Variants in PPIP5K1 observed in about 807,000 individuals in gnomAD.
The protein encoded by PPIP5K1 is inositol hexakisphosphate and diphosphoinositol-pentakisphosphate kinase 1.
In PPIP5K1, 6 loss-of-function variants were observed where a neutral mutation model predicts 27.7. That is an observed-to-expected ratio of 0.22 (90% confidence interval 0.12 to 0.43). PPIP5K1 has a LOEUF of 0.43. Ranked by LOEUF, PPIP5K1 falls within the 20% of genes least tolerant of loss-of-function variation. PPIP5K1 has a pLI of 1.00. For synonymous variants in PPIP5K1, 145 were observed against 242.6 expected, an observed-to-expected ratio of 0.60 and a Z score of 3.74; for missense variants, 394 against 635.4, an observed-to-expected ratio of 0.62 and a Z score of 4.08.
At chr15:43,536,435 A>G (rs1011558045) in intron 31 of PPIP5K1, among the ~76,000 whole-genome samples, 6 of 151,958 alleles carry the variant, frequency 3.9e-5, no homozygotes, top group Non-Finnish European at 5.9e-5. Context: ...AAAAAAAAAA[A>G]GAAAATAGTT....
rs1396308810 is a variant in PPIP5K1, at chr15:43,549,613, A to C, written c.3556+9182T>G. 8.5e-5 allele frequency among the ~76,000 whole-genome samples: 13 copies of C among 152,254 alleles called. No homozygotes were observed. The Middle Eastern group carries it at 0.01, about 120-fold the overall frequency. On this transcript the variant is annotated intron_variant, in intron 30 of 31. Coordinates refer to ENST00000420765, the MANE Select transcript of PPIP5K1 (RefSeq NM_001394395.1). ...GGTTTCAGTGAGCTGAGATCATGCC[A>C]GTGCACTCCAGCCTGGGCAACAGAG...
intron 31 of PPIP5K1, among the ~76,000 whole-genome samples, chr15:43,538,985 C>T (rs748238732): frequency 2.6e-5 from 4 of 152,014 alleles, no homozygotes; most frequent in African/African-American, 7.2e-5. Context: ...CTGAGGCAGG[C>T]GGGTCACCTG....
chr15:43,538,587 C>T (rs570582244), intron 31 of PPIP5K1, among the ~76,000 whole-genome samples: 2 of 151,882 alleles, frequency 1.3e-5, no homozygotes, highest in African/African-American at 2.4e-5. Context: ...AGTGCATTGG[C>T]GCCATCTCAG....
chr15:43,536,113 A>G, intron 31 of PPIP5K1: 1 of 1,286,788 alleles, frequency 7.8e-7, no homozygotes, highest in South Asian at 1.2e-5. Flanking sequence ...AAATCAGAAC[A>G]ATAGGAAAGA....
intron 30 of PPIP5K1, among the ~76,000 whole-genome samples, chr15:43,550,457 T>G (rs929425714): frequency 2.6e-5 from 4 of 152,228 alleles, no homozygotes; most frequent in Non-Finnish European, 4.4e-5. Flanking sequence ...GAGTTCATCC[T>G]GTAACCTGCA....
intron 30 of PPIP5K1, among the ~76,000 whole-genome samples, chr15:43,541,022 G>A (rs139788232): frequency 6.0e-4 from 92 of 152,194 alleles, no homozygotes; most frequent in African/African-American, 2.1e-3. Context: ...TCCCCCAAAT[G>A]TCTTTTATAA....
At chr15:43,556,649 T>C (rs2082994795) in intron 30 of PPIP5K1, among the ~76,000 whole-genome samples, 2 of 152,312 alleles carry the variant, frequency 1.3e-5, no homozygotes, top group South Asian at 4.1e-4. Context: ...CTGAATAAGT[T>C]AGAGTTAGGC....
intron 30 of PPIP5K1, among the ~76,000 whole-genome samples, chr15:43,545,655 C>CT (rs1404985400): frequency 1.3e-5 from 2 of 151,528 alleles, no homozygotes; most frequent in African/African-American, 2.4e-5. Context: ...ATTTGTCAAT[C>CT]TTTTTTTTGC....
chr15:43,556,156 A>T (rs2082908121), intron 30 of PPIP5K1, among the ~76,000 whole-genome samples: 2 of 146,168 alleles, frequency 1.4e-5, no homozygotes, highest in Non-Finnish European at 3.1e-5. Flanking sequence ...TGTCTCTACT[A>T]AAAAAATACA....
chr15:43,539,291 A>G (rs1460602075), intron 31 of PPIP5K1, among the ~76,000 whole-genome samples, 179 bp downstream of exon 31: 1 of 152,188 alleles, frequency 6.6e-6, no homozygotes, highest in African/African-American at 2.4e-5. Context: ...AGAGGTAAAG[A>G]GAGAGAATAA....
chr15:43,537,756 G>C (rs968149382), intron 31 of PPIP5K1, among the ~76,000 whole-genome samples: 3 of 148,984 alleles, frequency 2.0e-5, no homozygotes, highest in African/African-American at 5.0e-5. Flanking sequence ...AACCAACAAG[G>C]CTTTAAGAGA....
intron 30 of PPIP5K1, among the ~76,000 whole-genome samples, chr15:43,549,653 A>T (rs889264368): frequency 2.0e-5 from 3 of 149,744 alleles, no homozygotes; most frequent in South Asian, 2.1e-4. Context: ...AACCTGTCTT[A>T]AAAAAAAAAT....
At chr15:43,542,664 G>T (rs550340080) in intron 30 of PPIP5K1, among the ~76,000 whole-genome samples, 5 of 148,680 alleles carry the variant, frequency 3.4e-5, no homozygotes, top group African/African-American at 7.5e-5. Context: ...GTGTGTGTGT[G>T]TGTGTGTGTG....
At chr15:43,556,013 T>G (rs2082889278) in intron 30 of PPIP5K1, among the ~76,000 whole-genome samples, 1 of 152,178 alleles carries the variant, frequency 6.6e-6, no homozygotes. Context: ...GAGTCTCTTG[T>G]GGACACTTTA....
chr15:43,536,466 C>A (rs2079878854), intron 31 of PPIP5K1, among the ~76,000 whole-genome samples: 1 of 151,794 alleles, frequency 6.6e-6, no homozygotes, highest in South Asian at 2.1e-4. Flanking sequence ...TGGAAGATGG[C>A]CATGGAATTT....
intron 30 of PPIP5K1, among the ~76,000 whole-genome samples, chr15:43,550,058 A>T (rs1416356963): frequency 1.3e-5 from 2 of 152,154 alleles, no homozygotes; most frequent in Non-Finnish European, 2.9e-5. Flanking sequence ...CTCCCGCCTT[A>T]GCCTCTCAAA....
chr15:43,539,274 G>A (rs2080348014), intron 31 of PPIP5K1, among the ~76,000 whole-genome samples, 196 bp downstream of exon 31: 1 of 151,996 alleles, frequency 6.6e-6, no homozygotes, highest in African/African-American at 2.4e-5. Flanking sequence ...ATGGAGAACA[G>A]AGGTAAAGAG....
intron 30 of PPIP5K1, among the ~76,000 whole-genome samples, chr15:43,542,647 AGTGTGTGTGTGTGTGTGTGTGTGTGTGT>A (rs56361192): frequency 8.2e-6 from 1 of 121,288 alleles, no homozygotes; most frequent in Non-Finnish European, 1.7e-5. Context: ...ATATATATTC[AGTGTGTGTGTGTGTGTGTGTGTGTGTGT>A]GTGTGTGTGT....
rs1566992264 is a variant in PPIP5K1 at position 43,535,046 on chromosome 15, G to T, written c.4101C>A (p.Cys1367Ter). 3 of 1,613,606 alleles carry T rather than the reference G, an allele frequency of 1.9e-6. No homozygotes were observed. Among genetic ancestry groups the T allele is most frequent in the South Asian group, 1.1e-5 (1 of 91,044 alleles). The change falls in exon 32 of 32, where the codon TGC (cysteine) becomes TGA (stop). Residue 1367 changes from cysteine to a stop codon, truncating the protein, a stop_gained. Coordinates refer to ENST00000420765, the MANE Select transcript of PPIP5K1 (RefSeq NM_001394395.1). LOFTEE classifies it low-confidence loss of function (END_TRUNC). Reference protein sequence around the residue: ...CQEVPHISQPCQKSSQLCQKV... With the variant: ...CQEVPHISQP ...TCTGGCACAGTTGGCTGGACTTCTG[G>T]CATGGCTGGCTGATGTGAGGGACCT...
Sources: gnomAD v4.1 joint callset for allele counts (sites outside exome capture counted in the v4.1 genomes callset) on GRCh38, gnomAD v4.1.1 for gene constraint, MANE v1.5 for transcripts, NCBI Gene and HGNC (gene_info 2026-07-23, HGNC 2026-07-21) for gene names.